Variants in ST7 observed in about 807,000 individuals in gnomAD.
The protein encoded by ST7 is suppression of tumorigenicity 7.
Under a neutral mutation model 78.7 loss-of-function variants are expected in ST7, and 28 were observed. The observed-to-expected ratio is 0.36, with a 90% confidence interval of 0.26 to 0.49. The LOEUF is 0.49. Ranked by LOEUF, ST7 falls within the 20% of genes least tolerant of loss-of-function variation. ST7 has a pLI of 0.99. For missense variants in ST7, 418 were observed against 696.0 expected, an observed-to-expected ratio of 0.60 and a Z score of 4.49; for synonymous variants, 247 against 249.6, an observed-to-expected ratio of 0.99 and a Z score of 0.10.
At chr7:117,052,515 T>C (rs904546550) in intron 1 of ST7, among the ~76,000 whole-genome samples, 4 of 152,216 alleles carry the variant, frequency 2.6e-5, no homozygotes, top group Non-Finnish European at 4.4e-5. Flanking sequence ...TAAAATATCT[T>C]CACTGTAGAC....
intron 1 of ST7, among the ~76,000 whole-genome samples, chr7:117,095,246 G>A (rs1800936875): frequency 6.6e-6 from 1 of 152,160 alleles, no homozygotes. Flanking sequence ...CCAGAACGTG[G>A]CTGGCTTCTT....
chr7:117,109,299 A>G lies in ST7; in HGVS notation c.234+9455A>G, dbSNP rs761223066. On this transcript the variant is annotated intron_variant, in intron 2 of 15. Coordinates refer to ENST00000323984, the MANE Select transcript of ST7 (RefSeq NM_001369598.1). ...GCCAATTCTTTTGAAGAGATGAATA[A>G]AATTGATAGACCATTGGTGAGATTA... Among the ~76,000 whole-genome samples, 21 of 152,030 alleles carry G rather than the reference A, an allele frequency of 1.4e-4. No individual in the cohort carries two copies. In the South Asian group the frequency reaches 1.5e-3, roughly 11 times the overall value.
chr7:117,055,751 T>A (rs1210229720), intron 1 of ST7, among the ~76,000 whole-genome samples: 1 of 152,270 alleles, frequency 6.6e-6, no homozygotes, highest in East Asian at 1.9e-4. Context: ...CTTCTTTTTA[T>A]TGAAACTGGC....
intron 1 of ST7, among the ~76,000 whole-genome samples, chr7:116,961,500 G>T (rs1792819830): frequency 6.6e-6 from 1 of 151,576 alleles, no homozygotes; most frequent in Non-Finnish European, 1.5e-5. Flanking sequence ...TTTGAGCAGT[G>T]TTTTATAGTT....
intron 1 of ST7, among the ~76,000 whole-genome samples, chr7:117,050,340 T>C (rs186336889): frequency 5.9e-5 from 9 of 152,360 alleles, no homozygotes; most frequent in African/African-American, 9.6e-5. Flanking sequence ...CATGTTGTTT[T>C]AAGCCAATCC....
intron 1 of ST7, among the ~76,000 whole-genome samples, chr7:117,016,518 A>G (rs918336671): frequency 3.9e-5 from 6 of 152,298 alleles, no homozygotes; most frequent in Non-Finnish European, 8.8e-5. Flanking sequence ...GTAATACTTT[A>G]TATATGTATA....
chr7:117,132,467 G>A (rs1804441393), intron 6 of ST7, among the ~76,000 whole-genome samples: 1 of 151,820 alleles, frequency 6.6e-6, no homozygotes, highest in African/African-American at 2.4e-5. Flanking sequence ...GGAAGGCTGG[G>A]AAATCTCTTC....
At chr7:117,096,101 A>G (rs1801022135) in intron 1 of ST7, among the ~76,000 whole-genome samples, 2 of 149,312 alleles carry the variant, frequency 1.3e-5, no homozygotes, top group African/African-American at 4.9e-5. Flanking sequence ...AAAAAAAAGA[A>G]TATCAGGAAT....
At chr7:117,155,028 A>G (rs1806579465) in intron 9 of ST7, among the ~76,000 whole-genome samples, 1 of 152,144 alleles carries the variant, frequency 6.6e-6, no homozygotes, top group South Asian at 2.1e-4. Context: ...GGGAGACATG[A>G]ATGATAAAGG....
intron 1 of ST7, chr7:116,956,281 A>G (rs1792475416): frequency 1.8e-5 from 6 of 331,254 alleles, no homozygotes; most frequent in South Asian, 1.5e-4. Context: ...TCTGTACTGA[A>G]GTTATTGGCA....
intron 10 of ST7, among the ~76,000 whole-genome samples, chr7:117,174,498 A>T (rs1194115303): frequency 1.3e-5 from 2 of 152,194 alleles, no homozygotes; most frequent in Non-Finnish European, 2.9e-5. Context: ...TGATGTTATG[A>T]GAGAAAAGTG....
chr7:116,973,010 T>C, intron 1 of ST7: 1 of 710,004 alleles, frequency 1.4e-6, no homozygotes, highest in Non-Finnish European at 2.5e-6. Context: ...ACTTATCCAT[T>C]CATTTGTTTA....
intron 1 of ST7, among the ~76,000 whole-genome samples, chr7:116,982,476 G>A (rs925431246): frequency 7.2e-5 from 11 of 152,032 alleles, no homozygotes; most frequent in South Asian, 2.1e-4. Flanking sequence ...CGCCTGCCTC[G>A]GCCTCCCCAT....
intron 1 of ST7, among the ~76,000 whole-genome samples, chr7:117,009,444 G>C (rs1471020115): frequency 6.6e-6 from 1 of 151,674 alleles, no homozygotes; most frequent in Non-Finnish European, 1.5e-5. Context: ...GTCTGGCTTG[G>C]GTACCTCCCT....
intron 15 of ST7, among the ~76,000 whole-genome samples, chr7:117,229,079 C>G (rs1174204146): frequency 6.6e-6 from 1 of 152,240 alleles, no homozygotes; most frequent in African/African-American, 2.4e-5. Flanking sequence ...TTAAAAGACA[C>G]AGCTAATGAG....
chr7:116,996,272 G>A (rs1794648150), intron 1 of ST7, among the ~76,000 whole-genome samples: 2 of 152,022 alleles, frequency 1.3e-5, no homozygotes, highest in South Asian at 2.1e-4. Flanking sequence ...TAGTAGAGAT[G>A]GGGTTTCACT....
chr7:117,180,549 A>G (rs1808672282), intron 10 of ST7, among the ~76,000 whole-genome samples: 1 of 152,248 alleles, frequency 6.6e-6, no homozygotes. Context: ...TCCTGTAGCT[A>G]TAGTTAAAAA....
intron 1 of ST7, chr7:116,968,413 G>T (rs1209055959): frequency 2.3e-6 from 1 of 440,496 alleles, no homozygotes. Flanking sequence ...TTACTATGTT[G>T]ACCGTGCTGG....
chr7:117,136,397 TAGTA>T, intron 8 of ST7, 162 bp downstream of exon 8: 1 of 770,596 alleles, frequency 1.3e-6, no homozygotes, highest in Non-Finnish European at 2.1e-6. Context: ...TAAGTGCAGT[TAGTA>T]AATAATTAAC....
Sources: gnomAD v4.1 joint callset for allele counts (sites outside exome capture counted in the v4.1 genomes callset) on GRCh38, gnomAD v4.1.1 for gene constraint, MANE v1.5 for transcripts, NCBI Gene and HGNC (gene_info 2026-07-23, HGNC 2026-07-21) for gene names.